CAMTA1: variants seen among roughly 807,000 people sequenced by gnomAD.
CAMTA1 encodes calmodulin-binding transcription activator 1.
In CAMTA1, 27 loss-of-function variants were observed where a neutral mutation model predicts 170.9. That is an observed-to-expected ratio of 0.16 (90% CI 0.12 to 0.22). CAMTA1 has a LOEUF of 0.22. CAMTA1 is among the 10% of genes least tolerant of loss of function. CAMTA1 has a pLI of 1.00. For synonymous variants in CAMTA1, 833 were observed against 891.5 expected (o/e 0.93, Z 1.17); for missense variants, 1,619 against 2,217.2 (o/e 0.73, Z 5.42).
chr1:7,729,835 C>T (rs2096718583), intron 11 of CAMTA1, among the ~76,000 whole-genome samples: 2 of 152,206 alleles, frequency 1.3e-5, no homozygotes, highest in Non-Finnish European at 2.9e-5. Flanking sequence ...GCTATCTCTG[C>T]CTGTTGTTTT....
chr1:7,575,487 G>A (rs1238575467), intron 6 of CAMTA1, among the ~76,000 whole-genome samples: 2 of 152,222 alleles, frequency 1.3e-5, no homozygotes, highest in South Asian at 4.1e-4. Context: ...TTTGCAGATG[G>A]CCTGTCATGT....
At chr1:7,030,842 T>A (rs1385390952) in intron 3 of CAMTA1, among the ~76,000 whole-genome samples, 1 of 151,228 alleles carries the variant, frequency 6.6e-6, no homozygotes, top group Non-Finnish European at 1.5e-5. Flanking sequence ...CCTTAATGTT[T>A]TTTTTTTTTT....
chr1:6,989,579 T>C (rs1267558682), intron 3 of CAMTA1, among the ~76,000 whole-genome samples: 1 of 152,210 alleles, frequency 6.6e-6, no homozygotes, highest in Admixed American at 6.5e-5. Flanking sequence ...GTTCAAGGTA[T>C]CTGCTCTGTT....
rs560651503 is a variant in CAMTA1, at chr1:7,490,394, G to GT, written c.510+22494dup. Among the ~76,000 whole-genome samples the GT allele has an allele frequency of 1.2e-4, 19 of 152,372 alleles. No homozygotes were observed. In the South Asian group the frequency reaches 3.9e-3, roughly 32 times the overall value. On this transcript the variant is annotated intron_variant, in intron 6 of 22. Transcript: ENST00000303635. Reference sequence around the variant, plus strand: ...TGGCCGGGCGCGATGGCTCATGCCTGTAATCCCAGCACTTTGGGAGGCCGA... The same window carrying GT: ...TGGCCGGGCGCGATGGCTCATGCCTGTTAATCCCAGCACTTTGGGAGGCCGA...
intron 3 of CAMTA1, among the ~76,000 whole-genome samples, chr1:6,852,817 G>A (rs1189904538): frequency 6.6e-6 from 1 of 152,226 alleles, no homozygotes; most frequent in Admixed American, 6.5e-5. Context: ...ATTGAACTCA[G>A]TCTCTAACCT....
chr1:7,452,383 A>G (rs1316890681), intron 5 of CAMTA1, among the ~76,000 whole-genome samples: 2 of 152,184 alleles, frequency 1.3e-5, no homozygotes, highest in African/African-American at 4.8e-5. Context: ...TCAGATTCAC[A>G]TAATGCAAAA....
At chr1:7,292,033 A>G (rs1480440314) in intron 5 of CAMTA1, among the ~76,000 whole-genome samples, 1 of 152,252 alleles carries the variant, frequency 6.6e-6, no homozygotes, top group Non-Finnish European at 1.5e-5. Context: ...TTTATATTGA[A>G]TATTTTAGTT....
chr1:7,506,540 T>C (rs1312250048), intron 6 of CAMTA1, among the ~76,000 whole-genome samples: 1 of 152,044 alleles, frequency 6.6e-6, no homozygotes, highest in Non-Finnish European at 1.5e-5. Context: ...CTCACCCTTA[T>C]AATGTACACA....
chr1:7,731,551 G>A (rs372934516), intron 11 of CAMTA1, among the ~76,000 whole-genome samples: 7 of 147,904 alleles, frequency 4.7e-5, no homozygotes, highest in African/African-American at 1.8e-4. Context: ...CAGCCTGGGC[G>A]ACACCATGAC....
intron 5 of CAMTA1, among the ~76,000 whole-genome samples, chr1:7,341,677 C>T (rs2083844053): frequency 6.6e-6 from 1 of 152,226 alleles, no homozygotes; most frequent in African/African-American, 2.4e-5. Context: ...CTAATGCCTG[C>T]ATGATTGTTC....
rs139645678 is a variant in CAMTA1 at position 7,086,097 on chromosome 1, T to G, written c.235-5207T>G. Among the ~76,000 whole-genome samples, 18 of 152,224 alleles carry G rather than the reference T, an allele frequency of 1.2e-4. No individual in the cohort carries two copies. In the East Asian group the frequency reaches 3.1e-3, roughly 26 times the overall value. ...TGTTCTCCAAAGCCCCTGCAGCACA[T>G]AGACGCCATACCTTGGCGGCCGTTT... On this transcript the variant is annotated intron_variant, in intron 3 of 22. Transcript: ENST00000303635.
chr1:6,969,434 G>T (rs570336526), intron 3 of CAMTA1, among the ~76,000 whole-genome samples: 2 of 152,182 alleles, frequency 1.3e-5, no homozygotes, highest in African/African-American at 4.8e-5. Flanking sequence ...TTGGACTGCC[G>T]CTTGCCCTGG....
At chr1:7,042,588 G>T (rs1392463005) in intron 3 of CAMTA1, among the ~76,000 whole-genome samples, 1 of 152,220 alleles carries the variant, frequency 6.6e-6, no homozygotes. Context: ...TCTAAGCCTG[G>T]CATTGAGATG....
In CAMTA1 at chr1:7,333,242, C is replaced by G. The variant is rs2083142711; in HGVS notation, c.438+83616C>G. ...AGCAAACATGTCAGAGGATGACTCT[C>G]AGGTGATTATGAGCTTCCCTGTCGA... On this transcript the variant is annotated intron_variant, in intron 5 of 22. Coordinates refer to ENST00000303635, the MANE Select transcript of CAMTA1 (RefSeq NM_015215.4). This position sits in a 1 kb window ranked among gnomAD's most constrained non-coding sequence, Gnocchi z 4.4. Among the ~76,000 whole-genome samples, 1 of 152,174 alleles carries G rather than the reference C, an allele frequency of 6.6e-6. No homozygotes were observed. Among genetic ancestry groups the G allele is most frequent in the African/African-American group, 2.4e-5 (1 of 41,430 alleles).
chr1:7,689,121 G>T (rs555558887), intron 11 of CAMTA1, among the ~76,000 whole-genome samples: 1 of 152,126 alleles, frequency 6.6e-6, no homozygotes, highest in East Asian at 1.9e-4. Flanking sequence ...AAGTAGCCAG[G>T]TGTGGTGGCA....
intron 5 of CAMTA1, among the ~76,000 whole-genome samples, chr1:7,280,716 T>C (rs1036178226): frequency 1.3e-5 from 2 of 152,246 alleles, no homozygotes; most frequent in Admixed American, 1.3e-4. Flanking sequence ...CAAATTCCAT[T>C]GACTATAGTT....
At chr1:7,584,846 C>T (rs575116097) in intron 6 of CAMTA1, among the ~76,000 whole-genome samples, 2 of 152,168 alleles carry the variant, frequency 1.3e-5, no homozygotes, top group East Asian at 1.9e-4. Flanking sequence ...GGGTGGAGGC[C>T]GGGGACACTG....
At chr1:7,628,505 G>A (rs1558024453) in intron 6 of CAMTA1, among the ~76,000 whole-genome samples, 1 of 152,246 alleles carries the variant, frequency 6.6e-6, no homozygotes, top group Non-Finnish European at 1.5e-5. Context: ...TGAGCCACGT[G>A]GCCGTGAGCA....
intron 9 of CAMTA1, among the ~76,000 whole-genome samples, chr1:7,668,438 A>C (rs867506472): frequency 0.024 from 3,129 of 131,328 alleles, 68 homozygotes; most frequent in Non-Finnish European, 0.033. Context: ...CACACCCACC[A>C]CACACCCCAG....
Sources: allele counts gnomAD v4.1 joint callset (sites outside exome capture counted in the v4.1 genomes callset), GRCh38; gene constraint gnomAD v4.1.1; non-coding constraint Gnocchi (gnomAD v3.1); transcripts MANE v1.5; gene names NCBI Gene and HGNC (gene_info 2026-07-23, HGNC 2026-07-21).